The following GLMN variants were observed in gnomAD, a reference collection of about 807,000 sequenced individuals.
The protein encoded by GLMN is glomulin, FKBP associated protein.
GLMN carries 75 observed loss-of-function variants against 87.8 expected under a neutral mutation model. The ratio of observed to expected loss-of-function variants is 0.85; its 90% confidence interval spans 0.71 to 1.04. GLMN has a LOEUF of 1.04. GLMN is among the 50% of genes least tolerant of loss of function. GLMN has a pLI of 0.00. For synonymous variants in GLMN, 206 were observed against 221.6 expected (o/e 0.93, Z 0.63); for missense variants, 588 against 658.8 (o/e 0.89, Z 1.18).
At chr1:92,339,037 C>T in the GLMN span, among the ~76,000 whole-genome samples, 5 of 152,140 alleles carry the variant, frequency 3.3e-5, no homozygotes, top group Non-Finnish European at 7.4e-5. Context: ...GCCCTATGGT[C>T]TCCAACTACA....
chr1:92,249,999 C>G (rs956077043), intron 16 of GLMN, among the ~76,000 whole-genome samples: 4 of 147,756 alleles, frequency 2.7e-5, no homozygotes, highest in Admixed American at 2.0e-4. Context: ...TGCCCCCCAA[C>G]TTTTTTTTTT....
the GLMN span, chr1:92,363,729 G>T: frequency 2.7e-6 from 1 of 367,030 alleles, no homozygotes; most frequent in South Asian, 2.2e-5. Context: ...GTGAAGACAA[G>T]GATAAAGACC....
At position 92,290,230 on chromosome 1, in the gene GLMN, C is replaced by T; in HGVS notation, c.362G>A (p.Ser121Asn). The change falls in exon 5 of 19, where the codon AGT becomes AAT. Residue 121 changes from serine (S) to asparagine (N), a missense_variant. Physicochemically the swap from Ser to Asn is conservative, Grantham distance 46. Coordinates refer to ENST00000370360, the MANE Select transcript of GLMN (RefSeq NM_053274.3). ...TAATGGCTGAAGCAAAAGAAGAATACTTTGGGATATCTGTTTTCCAGAGGG... is the reference window on the plus strand; with the variant it reads ...TAATGGCTGAAGCAAAAGAAGAATATTTTGGGATATCTGTTTTCCAGAGGG... ...EEPSGKQISQ[S>N]ILLLLQPLQT... is the part of the protein sequence containing the mutation. 6.2e-7 allele frequency: 1 copy of T among 1,606,988 alleles called. No individual in the cohort carries two copies. Among genetic ancestry groups the T allele is most frequent in the Non-Finnish European group, 8.5e-7 (1 of 1,173,778 alleles).
rs544852117 is a variant in GLMN at position 92,255,166 on chromosome 1, G to C, written c.1474-7177C>G. Among the ~76,000 whole-genome samples, 17 of 151,582 alleles carry C rather than the reference G, an allele frequency of 1.1e-4. No individual in the cohort carries two copies. The East Asian group carries it at 1.3e-3, about 12-fold the overall frequency. Reference sequence around the variant, plus strand: ...CAAAGATCAAAAAAGACAAAGAAGGGCATTACATAATGGTAAAGGGATCAA... The same window carrying C: ...CAAAGATCAAAAAAGACAAAGAAGGCCATTACATAATGGTAAAGGGATCAA... On this transcript the variant is annotated intron_variant, in intron 16 of 18. Coordinates refer to ENST00000370360, the MANE Select transcript of GLMN (RefSeq NM_053274.3).
the GLMN span, among the ~76,000 whole-genome samples, chr1:92,362,601 A>C: frequency 1.3e-5 from 2 of 152,206 alleles, no homozygotes; most frequent in Admixed American, 1.3e-4. Flanking sequence ...GAAAATTCCG[A>C]GTGCAGCAAA....
chr1:92,330,057 AG>A, the GLMN span, among the ~76,000 whole-genome samples: 1 of 152,200 alleles, frequency 6.6e-6, no homozygotes, highest in Non-Finnish European at 1.5e-5. Flanking sequence ...TCTTGTACCA[AG>A]GAAGTGCTGC....
chr1:92,323,390 C>T, the GLMN span: 60 of 1,273,352 alleles, frequency 4.7e-5, no homozygotes, highest in Admixed American at 1.6e-4. Context: ...CTATTGTTTT[C>T]GGGTTTTATT....
At chr1:92,333,348 A>C in the GLMN span, 1 of 1,468,492 alleles carries the variant, frequency 6.8e-7, no homozygotes, top group South Asian at 1.1e-5. Flanking sequence ...GAAAGAATGT[A>C]AACTTATGAT....
At chr1:92,283,172 A>G (rs183301821) in intron 7 of GLMN, among the ~76,000 whole-genome samples, 2 of 152,280 alleles carry the variant, frequency 1.3e-5, no homozygotes, top group East Asian at 3.9e-4. Flanking sequence ...GAGACACAAC[A>G]AAAAAAGAGA....
chr1:92,345,402 GA>G, the GLMN span, among the ~76,000 whole-genome samples: 13 of 109,424 alleles, frequency 1.2e-4, no homozygotes, highest in African/African-American at 4.1e-4. Context: ...AAAAAAAAAA[GA>G]GAGAGAGAGA....
At chr1:92,315,787 A>G in the GLMN span, among the ~76,000 whole-genome samples, 1 of 152,200 alleles carries the variant, frequency 6.6e-6, no homozygotes, top group African/African-American at 2.4e-5. Flanking sequence ...TAAGGTATGT[A>G]AAATATCTGG....
the GLMN span, among the ~76,000 whole-genome samples, chr1:92,357,488 G>C: frequency 6.6e-6 from 1 of 152,148 alleles, no homozygotes; most frequent in Non-Finnish European, 1.5e-5. Context: ...AAAAAAGCAA[G>C]ATAAGGCTGA....
chr1:92,305,008 A>C, the GLMN span, among the ~76,000 whole-genome samples: 5 of 151,950 alleles, frequency 3.3e-5, no homozygotes, highest in Non-Finnish European at 5.9e-5. Context: ...GGTGGTACGC[A>C]CCTGTAGTCC....
chr1:92,323,557 A>G, the GLMN span: 6 of 1,613,796 alleles, frequency 3.7e-6, no homozygotes, highest in Non-Finnish European at 4.2e-6. Flanking sequence ...TAGCACTCAC[A>G]GTGATAGTAG....
At chr1:92,277,741 G>C (rs1173824267) in intron 7 of GLMN, among the ~76,000 whole-genome samples, 2 of 152,174 alleles carry the variant, frequency 1.3e-5, no homozygotes, top group East Asian at 3.8e-4. Flanking sequence ...GCAGGGTATG[G>C]AAACTTGGTG....
chr1:92,251,111 C>G lies in GLMN; in HGVS notation c.1474-3122G>C, dbSNP rs149678196. Among the ~76,000 whole-genome samples, 272 of 152,038 alleles carry G rather than the reference C, an allele frequency of 1.8e-3. 3 individuals are homozygous for G. The highest frequency in any genetic ancestry group is 6.0e-3 in the African/African-American group (249 of 41,494). ...AATTGACAAAATTCTAAAATTTATA[C>G]AGAAAAGGTAAAGGATTTAAAAATA... On this transcript the variant is annotated intron_variant, in intron 16 of 18. Coordinates refer to ENST00000370360, the MANE Select transcript of GLMN (RefSeq NM_053274.3).
the GLMN span, chr1:92,323,828 G>A: frequency 6.2e-7 from 1 of 1,614,046 alleles, no homozygotes; most frequent in Non-Finnish European, 8.5e-7. Context: ...TCTTCAAATA[G>A]CACTTTGCCT....
the GLMN span, among the ~76,000 whole-genome samples, chr1:92,357,835 G>C: frequency 6.6e-6 from 1 of 152,196 alleles, no homozygotes; most frequent in South Asian, 2.1e-4. Context: ...CCCTGCCCCT[G>C]AGATAAATTC....
the GLMN span, chr1:92,336,563 C>T: frequency 1.6e-6 from 1 of 606,300 alleles, no homozygotes; most frequent in Non-Finnish European, 2.9e-6. Context: ...CTATTTTCTC[C>T]TCCACTAAAC....
Sources: allele counts gnomAD v4.1 joint callset (sites outside exome capture counted in the v4.1 genomes callset), GRCh38; gene constraint gnomAD v4.1.1; transcripts MANE v1.5; gene names NCBI Gene and HGNC (gene_info 2026-07-23, HGNC 2026-07-21).